NELL2: variants seen among roughly 807,000 people sequenced by gnomAD.
NELL2 encodes protein kinase C-binding protein NELL2.
NELL2 carries 41 observed loss-of-function variants against 109.6 expected under a neutral mutation model. That is an observed-to-expected ratio of 0.37 (90% CI 0.29 to 0.49). The LOEUF is 0.49. Ranked by LOEUF, NELL2 falls within the 20% of genes least tolerant of loss-of-function variation. The pLI, the probability that NELL2 is intolerant of heterozygous loss-of-function variation, is 0.98. For synonymous variants in NELL2, 355 were observed against 344.7 expected (o/e 1.03, Z -0.33); for missense variants, 900 against 1,008.3 (o/e 0.89, Z 1.45).
chr12:44,798,658 A>T (rs1566422276), intron 3 of NELL2, among the ~76,000 whole-genome samples: 2 of 151,986 alleles, frequency 1.3e-5, no homozygotes, highest in South Asian at 4.3e-4. Context: ...ATACAAGTAC[A>T]TATATCTAAC....
At chr12:44,909,763 A>T (rs1446542271) in intron 1 of NELL2, among the ~76,000 whole-genome samples, 41 of 151,570 alleles carry the variant, frequency 2.7e-4, no homozygotes, top group Admixed American at 2.7e-3. Flanking sequence ...ACACACACAC[A>T]CACACATATA....
At chr12:44,875,611 T>C in intron 1 of NELL2, 9 of 1,612,270 alleles carry the variant, frequency 5.6e-6, no homozygotes, top group Non-Finnish European at 6.8e-6. Flanking sequence ...CCTCCGACCC[T>C]GGACTAGGGG....
At chr12:44,608,509 C>A (rs574954923) in intron 14 of NELL2, among the ~76,000 whole-genome samples, 2 of 152,068 alleles carry the variant, frequency 1.3e-5, no homozygotes, top group Non-Finnish European at 2.9e-5. Context: ...CCATTCCAAA[C>A]AAAGATATAC....
intron 19 of NELL2, 105 bp downstream of exon 19, chr12:44,519,900 A>AAAAAAG: frequency 2.6e-6 from 1 of 384,436 alleles, no homozygotes; most frequent in Non-Finnish European, 3.8e-6. Flanking sequence ...AATAAACAGG[A>AAAAAAG]AAAAAAAAAA....
chr12:44,903,478 A>T (rs545191572), intron 1 of NELL2, among the ~76,000 whole-genome samples: 3 of 152,262 alleles, frequency 2.0e-5, no homozygotes, highest in South Asian at 4.1e-4. Flanking sequence ...AAAACAGTGT[A>T]GCGATTCCTC....
At position 44,523,490 on chromosome 12, in the gene NELL2, G is replaced by C; in HGVS notation, c.1805-6C>G. 1 of 1,612,116 alleles carries C rather than the reference G, an allele frequency of 6.2e-7. No individual in the cohort carries two copies. Among genetic ancestry groups the C allele is most frequent in the Non-Finnish European group, 8.5e-7 (1 of 1,179,852 alleles). The stretch of plus-strand genomic sequence containing the variant: ...GGTCCCACACTCATCAATATCTATA[G>C]ACAAGAAAAAGCAGCACTCAATGTG... On this transcript the variant is annotated splice_polypyrimidine_tract_variant and splice_region_variant and intron_variant, in intron 16 of 19. Coordinates refer to ENST00000429094, the MANE Select transcript of NELL2 (RefSeq NM_001145108.2).
intron 19 of NELL2, among the ~76,000 whole-genome samples, chr12:44,515,286 A>C (rs1941212418): frequency 1.3e-5 from 2 of 151,934 alleles, no homozygotes; most frequent in African/African-American, 4.8e-5. Context: ...GTAGATGAAC[A>C]AAACAATATA....
chr12:44,850,134 T>C (rs1309856254), intron 2 of NELL2, among the ~76,000 whole-genome samples: 1 of 152,314 alleles, frequency 6.6e-6, no homozygotes, highest in Non-Finnish European at 1.5e-5. Flanking sequence ...ATGTTAATTA[T>C]ACCTCAGTGA....
chr12:44,514,460 G>A (rs1243110583), intron 19 of NELL2, among the ~76,000 whole-genome samples: 1 of 151,772 alleles, frequency 6.6e-6, no homozygotes, highest in Non-Finnish European at 1.5e-5. Flanking sequence ...TTGACAGAGA[G>A]AGATAGAGAG....
At chr12:44,643,987 G>T (rs1278005697) in intron 13 of NELL2, among the ~76,000 whole-genome samples, 4 of 152,142 alleles carry the variant, frequency 2.6e-5, no homozygotes, top group Non-Finnish European at 5.9e-5. Flanking sequence ...TAATCAGATA[G>T]ATGTTTGATA....
chr12:44,521,181 A>G (rs758656887), intron 18 of NELL2, among the ~76,000 whole-genome samples: 1 of 152,234 alleles, frequency 6.6e-6, no homozygotes, highest in Non-Finnish European at 1.5e-5. Flanking sequence ...TTTTATAAAT[A>G]TATAGAGAAA....
At chr12:44,752,823 C>T (rs1216063308) in intron 9 of NELL2, among the ~76,000 whole-genome samples, 4 of 152,154 alleles carry the variant, frequency 2.6e-5, no homozygotes, top group African/African-American at 7.2e-5. Flanking sequence ...CTATTTCAGT[C>T]GATTGCCAAG....
chr12:44,811,688 G>A (rs1943185189), intron 3 of NELL2, among the ~76,000 whole-genome samples: 1 of 152,046 alleles, frequency 6.6e-6, no homozygotes, highest in Non-Finnish European at 1.5e-5. Context: ...TTCAGAGCAG[G>A]CTTCCCAATA....
intron 2 of NELL2, among the ~76,000 whole-genome samples, chr12:44,821,589 T>A (rs1167822696): frequency 6.6e-6 from 1 of 152,248 alleles, no homozygotes; most frequent in Non-Finnish European, 1.5e-5. Flanking sequence ...TTACATAATG[T>A]TCAGAGACTC....
chr12:44,639,261 T>C (rs1015021719), intron 13 of NELL2, among the ~76,000 whole-genome samples: 2 of 152,142 alleles, frequency 1.3e-5, no homozygotes, highest in Admixed American at 6.6e-5. Flanking sequence ...ATTCTACAGA[T>C]AGCAGATATG....
intron 15 of NELL2, among the ~76,000 whole-genome samples, chr12:44,548,136 T>A (rs1049561178): frequency 6.6e-6 from 1 of 152,166 alleles, no homozygotes; most frequent in African/African-American, 2.4e-5. Context: ...TGCTGAACTC[T>A]GGTAAAGTCA....
chr12:44,522,015 T>C lies in NELL2; in HGVS notation c.2160A>G (p.Gln720=). ...NSGDTWVQNC[Q]QCRCLQGEVD... is the part of the protein sequence containing the mutation. ...CTAAATTTACCAAGCAGCGGCACTGTTGACAATTCTGGACCCAGGTGTCAC... is the reference window on the plus strand; with the variant it reads ...CTAAATTTACCAAGCAGCGGCACTGCTGACAATTCTGGACCCAGGTGTCAC... Residue 720 remains glutamine, a synonymous_variant, in exon 18 of 20, where the codon CAA becomes CAG. Coordinates refer to ENST00000429094, the MANE Select transcript of NELL2 (RefSeq NM_001145108.2). 3.1e-6 allele frequency: 5 copies of C among 1,613,720 alleles called. No homozygotes were observed. In the Middle Eastern group the frequency reaches 5.0e-4, roughly 160 times the overall value.
rs1310529549 is a variant in NELL2 at position 44,845,977 on chromosome 12, G to A, written c.184+29248C>T. Among the ~76,000 whole-genome samples, 2 of 152,140 alleles carry A rather than the reference G, an allele frequency of 1.3e-5. 1 individual carries two copies. The highest frequency in any genetic ancestry group is 4.1e-4 in the South Asian group (2 of 4,828). On this transcript the variant is annotated intron_variant, in intron 2 of 19. Transcript: ENST00000429094. The stretch of plus-strand genomic sequence containing the variant: ...AATTCAAGACTTTAGATTAGAAAAT[G>A]GCCTTTACTCCACACTATGGCAGTG...
In NELL2 at chr12:44,875,342, C is replaced by A. The variant is rs769785754; in HGVS notation, c.67G>T (p.Gly23Cys). The A allele has an allele frequency of 2.5e-6, 4 of 1,613,938 alleles. No homozygotes were observed. In the Admixed American group the frequency reaches 6.7e-5, roughly 27 times the overall value. The change falls in exon 2 of 20, where the codon GGT (glycine) becomes TGT (cysteine). Residue 23 changes from glycine to cysteine, a missense_variant. This residue lies in a region of NELL2 where 200 missense variants were observed against 191.8 expected (regional missense o/e 1.04). Coordinates refer to ENST00000429094, the MANE Select transcript of NELL2 (RefSeq NM_001145108.2). ...TCAATCTGTAGGGAAGGGTCCACAC[C>A]AAGCCCCCAAACTGGTGAGGGGTAT... ...IFGLGAVWGL[G>C]VDPSLQIDVL...
Sources: gnomAD v4.1 joint callset for allele counts (sites outside exome capture counted in the v4.1 genomes callset) on GRCh38, gnomAD v4.1.1 for gene constraint, gnomAD v4.1.1 regional missense constraint, MANE v1.5 for transcripts, NCBI Gene and HGNC (gene_info 2026-07-23, HGNC 2026-07-21) for gene names.